GRIK4: variants seen among roughly 807,000 people sequenced by gnomAD.
The protein encoded by GRIK4 is glutamate receptor ionotropic, kainate 4.
GRIK4 carries 40 observed loss-of-function variants against 104.9 expected under a neutral mutation model. That is an observed-to-expected ratio of 0.38 (90% CI 0.30 to 0.50). GRIK4 has a LOEUF of 0.50. Ranked by LOEUF, GRIK4 falls within the 20% of genes least tolerant of loss-of-function variation. GRIK4 has a pLI of 0.93. For synonymous variants in GRIK4, 485 were observed against 524.9 expected (o/e 0.92, Z 1.04); for missense variants, 1,047 against 1,308.1 (o/e 0.80, Z 3.08).
intron 19 of GRIK4, among the ~76,000 whole-genome samples, chr11:120,972,530 G>A (rs1424067603): frequency 1.3e-5 from 2 of 152,150 alleles, no homozygotes; most frequent in Non-Finnish European, 2.9e-5. Flanking sequence ...TGAAAAAAAA[G>A]AGAAAGAAAT....
In GRIK4 at chr11:120,832,875, G is replaced by A. The variant is rs1953466100; in HGVS notation, c.690+845G>A. Among the ~76,000 whole-genome samples the A allele has an allele frequency of 2.0e-5, 3 of 152,324 alleles. 1 individual carries two copies. The highest frequency in any genetic ancestry group is 4.1e-4 in the South Asian group (2 of 4,830). On this transcript the variant is annotated intron_variant, in intron 7 of 20. Coordinates refer to ENST00000527524, the MANE Select transcript of GRIK4 (RefSeq NM_014619.5). ...AGTTCCTGGGCTGGTGGCTGGGCTG[G>A]GCATGAACTTCGGAGAGAACGGGCC...
rs1947793745 is a variant in GRIK4 at position 120,521,216 on chromosome 11, G to A, written c.-159+9329G>A. ...TCCTCCCAATAGCTTGGGACTACAA[G>A]CGTGCACCACCATGCCTGGCGAATA... On this transcript the variant is annotated intron_variant, in intron 1 of 20. Coordinates refer to ENST00000527524, the MANE Select transcript of GRIK4 (RefSeq NM_014619.5). Among the ~76,000 whole-genome samples, 3 of 152,060 alleles carry A rather than the reference G, an allele frequency of 2.0e-5. No individual in the cohort carries two copies. The South Asian group carries it at 6.2e-4, about 32-fold the overall frequency.
intron 1 of GRIK4, among the ~76,000 whole-genome samples, chr11:120,624,635 C>T (rs1949232587): frequency 6.6e-6 from 1 of 152,164 alleles, no homozygotes; most frequent in Non-Finnish European, 1.5e-5. Context: ...AAGACAGACA[C>T]TTCATCTCGT....
chr11:120,871,102 A>T (rs1954598000), intron 9 of GRIK4: 1 of 155,838 alleles, frequency 6.4e-6, no homozygotes, highest in Non-Finnish European at 1.4e-5. Flanking sequence ...GATTTTGGGA[A>T]TCTGAGAATG....
chr11:120,856,175 G>A (rs1186344134), intron 8 of GRIK4, among the ~76,000 whole-genome samples: 1 of 152,244 alleles, frequency 6.6e-6, no homozygotes, highest in Non-Finnish European at 1.5e-5. Flanking sequence ...GCACTTTACA[G>A]GTGAACACAT....
intron 8 of GRIK4, among the ~76,000 whole-genome samples, chr11:120,840,260 A>G (rs1189461590): frequency 6.6e-6 from 1 of 152,226 alleles, no homozygotes; most frequent in Non-Finnish European, 1.5e-5. Context: ...GACAGGAAGT[A>G]TGGAGATGAA....
At chr11:120,557,850 A>G (rs1948202069) in intron 1 of GRIK4, among the ~76,000 whole-genome samples, 1 of 151,834 alleles carries the variant, frequency 6.6e-6, no homozygotes. Flanking sequence ...CTCCGTCTCT[A>G]CTAAAAATAC....
At chr11:120,661,116 G>T (rs747840369) in intron 3 of GRIK4, among the ~76,000 whole-genome samples, 17 of 152,324 alleles carry the variant, frequency 1.1e-4, no homozygotes, top group Non-Finnish European at 1.9e-4. Flanking sequence ...GACACAGCCA[G>T]CCACAGGGAC....
chr11:120,738,873 G>T (rs1339134021), intron 3 of GRIK4, among the ~76,000 whole-genome samples: 1 of 152,218 alleles, frequency 6.6e-6, no homozygotes, highest in Non-Finnish European at 1.5e-5. Flanking sequence ...GGGAGGAGGG[G>T]CTGGCACCTG....
intron 3 of GRIK4, among the ~76,000 whole-genome samples, chr11:120,671,670 T>G (rs1950019082): frequency 6.6e-6 from 1 of 152,272 alleles, no homozygotes; most frequent in Non-Finnish European, 1.5e-5. Context: ...TCTCCCATTC[T>G]GCAGGTTGCC....
chr11:120,759,441 T>C (rs1384888735), intron 3 of GRIK4, among the ~76,000 whole-genome samples: 3 of 152,136 alleles, frequency 2.0e-5, no homozygotes, highest in Non-Finnish European at 2.9e-5. Flanking sequence ...TCTCCCAAGA[T>C]TGGCTTTCTC....
chr11:120,581,181 C>G (rs1948576104), intron 1 of GRIK4, among the ~76,000 whole-genome samples: 1 of 152,120 alleles, frequency 6.6e-6, no homozygotes, highest in Non-Finnish European at 1.5e-5. Context: ...GTGAGATTTG[C>G]AAATAATTTC....
chr11:120,770,550 T>C (rs1951922108), intron 3 of GRIK4, among the ~76,000 whole-genome samples: 1 of 152,242 alleles, frequency 6.6e-6, no homozygotes, highest in African/African-American at 2.4e-5. Context: ...TACTTTCTTT[T>C]GGATGAATTT....
Position 120,926,932 on chromosome 11 carries a change from A to C in GRIK4, c.1477-13415A>C, listed in dbSNP as rs576582168. On this transcript the variant is annotated intron_variant, in intron 13 of 20. Coordinates refer to ENST00000527524, the MANE Select transcript of GRIK4 (RefSeq NM_014619.5). ...CAGAGTGTCTCGAGGAGAGGGGCCCATTAAGTGGGCAAGTAGGGAAGGCTG... is the reference window on the plus strand; with the variant it reads ...CAGAGTGTCTCGAGGAGAGGGGCCCCTTAAGTGGGCAAGTAGGGAAGGCTG... Among the ~76,000 whole-genome samples the C allele has an allele frequency of 9.3e-4, 141 of 152,360 alleles. 6 individuals are homozygous for C. The South Asian group carries it at 0.029, about 31-fold the overall frequency.
intron 1 of GRIK4, among the ~76,000 whole-genome samples, chr11:120,570,865 A>T (rs889880463): frequency 6.6e-6 from 1 of 152,228 alleles, no homozygotes; most frequent in Non-Finnish European, 1.5e-5. Flanking sequence ...CAGAATTTAC[A>T]TTATATCTGT....
chr11:120,978,645 T>C (rs1185816186), intron 19 of GRIK4, among the ~76,000 whole-genome samples: 1 of 151,844 alleles, frequency 6.6e-6, no homozygotes, highest in African/African-American at 2.4e-5. Context: ...AAGCAAGAGA[T>C]GGTGGGTGCC....
At position 120,953,968 on chromosome 11, in the gene GRIK4, T is replaced by A. The variant is rs1944071766; in HGVS notation, c.1700+1004T>A. On this transcript the variant is annotated intron_variant, in intron 15 of 20. Transcript: ENST00000527524. The surrounding 1 kb of genome is among the most constrained non-coding windows in gnomAD (Gnocchi z 4.9). The stretch of plus-strand genomic sequence containing the variant: ...TCTGGTTTGCAGGTGTCTCTTCAGT[T>A]GTTACCTTTGCCTCTAGGCCACAGT... Among the ~76,000 whole-genome samples the A allele has an allele frequency of 6.6e-6, 1 of 152,172 alleles. No homozygotes were observed. The highest frequency in any genetic ancestry group is 1.5e-5 in the Non-Finnish European group (1 of 68,026).
At chr11:120,542,741 C>T (rs530694436) in intron 1 of GRIK4, among the ~76,000 whole-genome samples, 18 of 152,260 alleles carry the variant, frequency 1.2e-4, no homozygotes, top group Admixed American at 9.8e-4. Flanking sequence ...ATGAAAACCA[C>T]AATGAGATGA....
intron 8 of GRIK4, among the ~76,000 whole-genome samples, 183 bp from the exon 9 acceptor site, chr11:120,861,776 T>G (rs1207973845): frequency 6.6e-6 from 1 of 152,146 alleles, no homozygotes; most frequent in Non-Finnish European, 1.5e-5. Context: ...TCCTCCATCC[T>G]CCACCATCAC....
Sources: gnomAD v4.1 joint callset for allele counts (sites outside exome capture counted in the v4.1 genomes callset) on GRCh38, gnomAD v4.1.1 for gene constraint, Gnocchi (gnomAD v3.1) non-coding constraint, MANE v1.5 for transcripts, NCBI Gene and HGNC (gene_info 2026-07-23, HGNC 2026-07-21) for gene names.